ADK: variants seen among roughly 807,000 people sequenced by gnomAD.
ADK encodes the protein N6,N6-dimethyladenosine kinase.
In ADK, 24 loss-of-function variants were observed where a neutral mutation model predicts 44.7. That is an observed-to-expected ratio of 0.54 (90% confidence interval 0.39 to 0.76). ADK has a LOEUF of 0.76. Ranked by LOEUF, ADK falls within the 30% of genes least tolerant of loss-of-function variation. The pLI, the probability that ADK is intolerant of heterozygous loss-of-function variation, is 0.00. For synonymous variants in ADK, 128 were observed against 142.6 expected (o/e 0.90, Z 0.73); for missense variants, 321 against 425.1 (o/e 0.76, Z 2.15).
At position 74,638,735 on chromosome 10, in the gene ADK, G is replaced by A. The variant is rs1054713616; in HGVS notation, c.878-31448G>A. Among the ~76,000 whole-genome samples, 11 of 152,152 alleles carry A rather than the reference G, an allele frequency of 7.2e-5. No homozygotes were observed. In the East Asian group the frequency reaches 1.9e-3, roughly 27 times the overall value. On this transcript the variant is annotated intron_variant, in intron 9 of 10. Transcript: ENST00000539909. ...TTTCTTTTAAAATCAGACTTTTAATGGCTTTCTGGCAGTGTCATCCTGGTT... is the reference window on the plus strand; with the variant it reads ...TTTCTTTTAAAATCAGACTTTTAATAGCTTTCTGGCAGTGTCATCCTGGTT...
At chr10:74,358,712 T>C (rs116645139) in intron 4 of ADK, among the ~76,000 whole-genome samples, 2,717 of 152,314 alleles carry the variant, frequency 0.018, 68 homozygotes, top group African/African-American at 0.052. Context: ...AAATAAGCTA[T>C]CATCAACAAA....
chr10:74,612,158 T>C (rs1564818976), intron 9 of ADK, among the ~76,000 whole-genome samples: 1 of 152,190 alleles, frequency 6.6e-6, no homozygotes, highest in Non-Finnish European at 1.5e-5. Flanking sequence ...TAATAATAGC[T>C]GTGCTAACTA....
intron 1 of ADK, among the ~76,000 whole-genome samples, chr10:74,154,094 T>G (rs1841687175): frequency 6.6e-6 from 1 of 152,134 alleles, no homozygotes; most frequent in Non-Finnish European, 1.5e-5. Flanking sequence ...AAGTAGGGTA[T>G]CTGCCTTATA....
rs114440338 is a variant in ADK at position 74,524,804 on chromosome 10, A to G, written c.556-452A>G. 5.7e-3 allele frequency among the ~76,000 whole-genome samples: 863 copies of G among 152,312 alleles called. 6 individuals carry two copies. Among genetic ancestry groups the G allele is most frequent in the African/African-American group, 0.02 (817 of 41,570 alleles). On this transcript the variant is annotated intron_variant, in intron 6 of 10. Transcript: ENST00000539909. The stretch of plus-strand genomic sequence containing the variant: ...TCCCAGCTACTTGGAGGGCTGAGGT[A>G]GGAGGATTGCTTTATCCCAGGAGTT...
chr10:74,402,876 T>C (rs1440643199), intron 6 of ADK, among the ~76,000 whole-genome samples: 1 of 152,196 alleles, frequency 6.6e-6, no homozygotes, highest in East Asian at 1.9e-4. Context: ...TCCCCATCTT[T>C]GTGGTTTTAT....
chr10:74,330,687 AC>A (rs1841187263), intron 4 of ADK, among the ~76,000 whole-genome samples: 1 of 152,196 alleles, frequency 6.6e-6, no homozygotes, highest in Admixed American at 6.5e-5. Context: ...GCCTTTGAAG[AC>A]ACCCACATGG....
chr10:74,558,781 A>G (rs2133809225), intron 7 of ADK, among the ~76,000 whole-genome samples: 1 of 152,264 alleles, frequency 6.6e-6, no homozygotes, highest in Middle Eastern at 3.4e-3. Flanking sequence ...GCACTTCTGG[A>G]AGCTAGAAAG....
intron 2 of ADK, among the ~76,000 whole-genome samples, chr10:74,212,819 T>G (rs1300740602): frequency 5.1e-4 from 1 of 1,980 alleles, no homozygotes; most frequent in Non-Finnish European, 8.5e-4. Context: ...TTAGTTATGA[T>G]AGAATGGTTG....
chr10:74,556,809 G>C (rs747704451), intron 7 of ADK, among the ~76,000 whole-genome samples: 3 of 152,164 alleles, frequency 2.0e-5, no homozygotes, highest in Non-Finnish European at 2.9e-5. Context: ...TGGTTATATA[G>C]CAGTTTATCT....
At chr10:74,176,857 G>A (rs1221722243) in intron 1 of ADK, 8 of 1,608,298 alleles carry the variant, frequency 5.0e-6, no homozygotes, top group South Asian at 2.2e-5. Flanking sequence ...GTGGCGCTGG[G>A]CAGGAGGGCG....
chr10:74,602,257 A>G (rs915660645), intron 9 of ADK, among the ~76,000 whole-genome samples: 1 of 152,146 alleles, frequency 6.6e-6, no homozygotes, highest in African/African-American at 2.4e-5. Flanking sequence ...CCATGAAAAG[A>G]TATCCCTGCA....
chr10:74,547,186 T>C (rs1849851181), intron 7 of ADK, among the ~76,000 whole-genome samples: 1 of 152,080 alleles, frequency 6.6e-6, no homozygotes, highest in South Asian at 2.1e-4. Context: ...TAAATATATG[T>C]GCTTAACCAT....
chr10:74,347,789 A>T (rs771694541), intron 4 of ADK, among the ~76,000 whole-genome samples: 6 of 152,142 alleles, frequency 3.9e-5, no homozygotes, highest in Admixed American at 6.5e-5. Flanking sequence ...TGACAGTACT[A>T]AGGTGGCGGG....
chr10:74,527,460 T>G, intron 7 of ADK: 1 of 526,000 alleles, frequency 1.9e-6, no homozygotes. Context: ...TAAAAAATGC[T>G]ATTTGGACTT....
chr10:74,235,391 G>A (rs1844921659), intron 3 of ADK, among the ~76,000 whole-genome samples: 1 of 152,100 alleles, frequency 6.6e-6, no homozygotes, highest in African/African-American at 2.4e-5. Flanking sequence ...CTGGAGTTGA[G>A]TGGCATGATC....
At chr10:74,509,454 G>C (rs1236065873) in intron 6 of ADK, 1 of 152,312 alleles carries the variant, frequency 6.6e-6, no homozygotes. Flanking sequence ...GCCTCCCAAA[G>C]TGCTGGGATT....
chr10:74,514,913 C>T (rs901004981), intron 6 of ADK, among the ~76,000 whole-genome samples: 9 of 152,062 alleles, frequency 5.9e-5, no homozygotes, highest in Non-Finnish European at 1.2e-4. Flanking sequence ...CAGCCTCTAC[C>T]TCGTATGCTC....
intron 3 of ADK, among the ~76,000 whole-genome samples, chr10:74,267,256 C>T (rs1276706308): frequency 6.6e-6 from 1 of 152,030 alleles, no homozygotes; most frequent in Admixed American, 6.6e-5. Context: ...TTGGCATCTA[C>T]AAGCAAAAAT....
rs189234761 is a variant in ADK at position 74,197,380 on chromosome 10, A to G, written c.66-3384A>G. Among the ~76,000 whole-genome samples, 52 of 152,306 alleles carry G rather than the reference A, an allele frequency of 3.4e-4. 2 individuals carry two copies. The East Asian group carries it at 3.5e-3, about 10-fold the overall frequency. The stretch of plus-strand genomic sequence containing the variant: ...CCCAGAGATGGTAGATGGCTTGCTT[A>G]AGTCTCCCAGCAAGCTACCTCAAGA... On this transcript the variant is annotated intron_variant, in intron 1 of 10. Coordinates refer to ENST00000539909, the MANE Select transcript of ADK (RefSeq NM_006721.4).
Sources: gnomAD v4.1 joint callset for allele counts (sites outside exome capture counted in the v4.1 genomes callset) on GRCh38, gnomAD v4.1.1 for gene constraint, MANE v1.5 for transcripts, NCBI Gene and HGNC (gene_info 2026-07-23, HGNC 2026-07-21) for gene names.